PRR16: variants seen among roughly 807,000 people sequenced by gnomAD.
The protein encoded by PRR16 is proline rich 16, also known as protein Largen.
Under a neutral mutation model 18.2 loss-of-function variants are expected in PRR16, and 6 were observed. The ratio of observed to expected loss-of-function variants is 0.33; its 90% CI spans 0.18 to 0.65. PRR16 has a LOEUF of 0.65. Among genes scored for constraint, PRR16 ranks in the 30% least tolerant of loss-of-function variants. The probability of loss-of-function intolerance (pLI) is 0.74; values close to 1 mark genes in which losing one functional copy is unlikely to be tolerated. For missense variants in PRR16, 412 were observed against 376.6 expected (o/e 1.09, Z -0.78); for synonymous variants, 151 against 147.8 (o/e 1.02, Z -0.16).
At chr5:120,763,982 G>T in the PRR16 span, among the ~76,000 whole-genome samples, 1 of 152,060 alleles carries the variant, frequency 6.6e-6, no homozygotes, top group Non-Finnish European at 1.5e-5. Flanking sequence ...TCGTCTAAAT[G>T]TAAGAGGATC....
the PRR16 span, among the ~76,000 whole-genome samples, chr5:120,759,555 G>A: frequency 6.6e-6 from 1 of 152,068 alleles, no homozygotes; most frequent in African/African-American, 2.4e-5. Context: ...TGAAGCACAA[G>A]ATTTTGTCTT....
chr5:120,719,288 A>G, the PRR16 span, among the ~76,000 whole-genome samples: 1 of 152,064 alleles, frequency 6.6e-6, no homozygotes, highest in Non-Finnish European at 1.5e-5. Flanking sequence ...ATAGATAATC[A>G]TAGTGTTACA....
chr5:120,727,983 A>G, the PRR16 span, among the ~76,000 whole-genome samples: 1 of 152,016 alleles, frequency 6.6e-6, no homozygotes, highest in Non-Finnish European at 1.5e-5. Context: ...AGTTATCTAT[A>G]GAATATCTAT....
rs561549912 is a variant in PRR16, at chr5:120,649,265, G to A, written c.160-36689G>A. Among the ~76,000 whole-genome samples, 16 of 152,118 alleles carry A rather than the reference G, an allele frequency of 1.1e-4. No homozygotes were observed. In the East Asian group the frequency reaches 1.7e-3, roughly 17 times the overall value. ...TATGAGTATTAATTTTAAGGTAATG[G>A]AAACAGTGGTATTTTTCTCTAGGAA... is the stretch of plus-strand genomic sequence containing the variant. On this transcript the variant is annotated intron_variant, in intron 1 of 1. Transcript: ENST00000407149.
chr5:120,773,891 A>C, the PRR16 span, among the ~76,000 whole-genome samples: 1 of 152,196 alleles, frequency 6.6e-6, no homozygotes, highest in Non-Finnish European at 1.5e-5. Flanking sequence ...AGATGTAAAC[A>C]GCCTTTATAT....
intron 1 of PRR16, among the ~76,000 whole-genome samples, chr5:120,515,788 G>C (rs1235685431): frequency 6.6e-6 from 1 of 152,176 alleles, no homozygotes; most frequent in Non-Finnish European, 1.5e-5. Flanking sequence ...GCCTTGTGTG[G>C]AACAAGGTTT....
chr5:120,764,986 G>A, the PRR16 span, among the ~76,000 whole-genome samples: 1 of 146,916 alleles, frequency 6.8e-6, no homozygotes, highest in African/African-American at 2.7e-5. Context: ...GACTGCAAAA[G>A]ACTGAAGAGC....
At chr5:120,498,492 T>G (rs1750334639) in intron 1 of PRR16, among the ~76,000 whole-genome samples, 1 of 151,718 alleles carries the variant, frequency 6.6e-6, no homozygotes, top group Non-Finnish European at 1.5e-5. Context: ...GCCTTAACTA[T>G]TTCTCTACAT....
chr5:120,650,028 G>C (rs959497316), intron 1 of PRR16, among the ~76,000 whole-genome samples: 16 of 151,736 alleles, frequency 1.1e-4, no homozygotes, highest in African/African-American at 3.9e-4. Context: ...GACCATCCTG[G>C]CCAACACGAT....
At chr5:120,579,633 C>T (rs1486175132) in intron 1 of PRR16, among the ~76,000 whole-genome samples, 2 of 152,014 alleles carry the variant, frequency 1.3e-5, no homozygotes, top group East Asian at 3.9e-4. Flanking sequence ...GTATCAGGAC[C>T]ATGGTGTAGC....
the PRR16 span, among the ~76,000 whole-genome samples, chr5:120,791,597 ATCTATCTATCTATCT>A: frequency 0.28 from 38,570 of 137,556 alleles, 5,270 homozygotes; most frequent in Non-Finnish European, 0.32. Flanking sequence ...CTATCTATCT[ATCTATCTATCTATCT>A]ATCTATCTAT....
chr5:120,471,803 C>G (rs1749276561), intron 1 of PRR16, among the ~76,000 whole-genome samples: 1 of 152,034 alleles, frequency 6.6e-6, no homozygotes, highest in Non-Finnish European at 1.5e-5. Flanking sequence ...CATCTTTAAA[C>G]AAGAACCAGA....
the PRR16 span, among the ~76,000 whole-genome samples, chr5:120,787,623 A>G: frequency 6.6e-6 from 1 of 152,186 alleles, no homozygotes; most frequent in Non-Finnish European, 1.5e-5. Flanking sequence ...GTAATTGAAT[A>G]AAACGATCTC....
At chr5:120,759,110 G>A in the PRR16 span, among the ~76,000 whole-genome samples, 2 of 150,956 alleles carry the variant, frequency 1.3e-5, no homozygotes, top group Non-Finnish European at 2.9e-5. Flanking sequence ...CCAAGTAGCT[G>A]GGACTACAGG....
chr5:120,771,780 G>A, the PRR16 span, among the ~76,000 whole-genome samples: 2 of 151,708 alleles, frequency 1.3e-5, no homozygotes, highest in Non-Finnish European at 2.9e-5. Context: ...CAAGATATTT[G>A]TTAGTATATT....
chr5:120,754,462 G>GTATATAGTATATATTTAA, the PRR16 span, among the ~76,000 whole-genome samples: 1 of 53,982 alleles, frequency 1.9e-5, no homozygotes, highest in Non-Finnish European at 3.0e-5. Context: ...ATAATATATA[G>GTATATAGTATATATTTAA]TATATAGTAT....
chr5:120,496,121 A>G (rs1436223577), intron 1 of PRR16, among the ~76,000 whole-genome samples: 2 of 152,034 alleles, frequency 1.3e-5, no homozygotes, highest in Non-Finnish European at 2.9e-5. Context: ...AAAGTATTAC[A>G]TCCCTTGATT....
the PRR16 span, among the ~76,000 whole-genome samples, chr5:120,710,147 G>A: frequency 6.6e-6 from 1 of 151,822 alleles, no homozygotes; most frequent in East Asian, 1.9e-4. Flanking sequence ...GTTATTTTCT[G>A]TCTTTTTGAT....
At position 120,577,828 on chromosome 5, in the gene PRR16, G is replaced by A. The variant is rs908543385; in HGVS notation, c.160-108126G>A. Reference sequence around the variant, plus strand: ...TCATTTAATTTTCCCAGCAACTGGGGATGGAGATGCTACTAGTATATTAAT... The same window carrying A: ...TCATTTAATTTTCCCAGCAACTGGGAATGGAGATGCTACTAGTATATTAAT... On this transcript the variant is annotated intron_variant, in intron 1 of 1. Transcript: ENST00000407149. Among the ~76,000 whole-genome samples, 7 of 152,156 alleles carry A rather than the reference G, an allele frequency of 4.6e-5. 1 individual carries two copies. Among genetic ancestry groups the A allele is most frequent in the Admixed American group, 1.3e-4 (2 of 15,272 alleles).
Sources: allele counts gnomAD v4.1 joint callset (sites outside exome capture counted in the v4.1 genomes callset), GRCh38; gene constraint gnomAD v4.1.1; transcripts MANE v1.5; gene names NCBI Gene and HGNC (gene_info 2026-07-23, HGNC 2026-07-21).